Variants in TBCK observed in about 807,000 individuals in gnomAD.
TBCK encodes the protein TBC1 domain containing kinase.
TBCK carries 99 observed loss-of-function variants against 113.4 expected under a neutral mutation model. The observed-to-expected ratio is 0.87, with a 90% CI of 0.74 to 1.03. The LOEUF (loss-of-function observed/expected upper bound fraction) is 1.03. TBCK is among the 50% of genes least tolerant of loss of function. The pLI, the probability that TBCK is intolerant of heterozygous loss-of-function variation, is 0.00. For synonymous variants in TBCK, 369 were observed against 370.8 expected (o/e 1.00, Z 0.05); for missense variants, 1,045 against 1,061.3 (o/e 0.98, Z 0.21).
chr4:106,279,750 A>C (rs559121141), intron 3 of TBCK, among the ~76,000 whole-genome samples: 33 of 152,288 alleles, frequency 2.2e-4, no homozygotes, highest in African/African-American at 7.9e-4. Context: ...ATGTGGTTGC[A>C]AATGACAGGC....
chr4:106,192,293 T>C (rs1004646603), intron 22 of TBCK, among the ~76,000 whole-genome samples: 4 of 152,112 alleles, frequency 2.6e-5, no homozygotes, highest in Non-Finnish European at 4.4e-5. Context: ...ATTCCTAATA[T>C]ATATATTTTT....
At chr4:106,166,708 C>T (rs953494759) in intron 23 of TBCK, among the ~76,000 whole-genome samples, 1 of 151,504 alleles carries the variant, frequency 6.6e-6, no homozygotes, top group African/African-American at 2.4e-5. Context: ...TCAAATATAG[C>T]CAGTATGTCT....
At chr4:106,113,660 T>C (rs1159932456) in intron 24 of TBCK, among the ~76,000 whole-genome samples, 1 of 151,900 alleles carries the variant, frequency 6.6e-6, no homozygotes, top group Non-Finnish European at 1.5e-5. Flanking sequence ...CCCCAGAAAA[T>C]GTGGCTTCCT....
At chr4:106,165,566 T>C (rs766484516) in intron 23 of TBCK, among the ~76,000 whole-genome samples, 4 of 151,676 alleles carry the variant, frequency 2.6e-5, no homozygotes, top group Non-Finnish European at 4.4e-5. Flanking sequence ...ATCATGTCCT[T>C]TGTACAGATT....
At chr4:106,291,717 C>T (rs756081319) in intron 3 of TBCK, among the ~76,000 whole-genome samples, 7 of 152,204 alleles carry the variant, frequency 4.6e-5, no homozygotes, top group African/African-American at 7.2e-5. Context: ...CCTTTACTAT[C>T]GGTGAAGATT....
chr4:106,093,295 A>T (rs910520030), intron 25 of TBCK, among the ~76,000 whole-genome samples: 1 of 152,208 alleles, frequency 6.6e-6, no homozygotes, highest in Non-Finnish European at 1.5e-5. Context: ...TCACTAGGTC[A>T]GGAGATTGAG....
rs112659456 is a variant in TBCK, at chr4:106,131,568, G to A, written c.2236-15190C>T. ...GCGGAGGTTGCAGCGAGCCAAGATC[G>A]CATCACTGCACTCCAGCCTGGGCAA... On this transcript the variant is annotated intron_variant, in intron 23 of 25. Coordinates refer to ENST00000394708, the MANE Select transcript of TBCK (RefSeq NM_001163435.3). Among the ~76,000 whole-genome samples the A allele has an allele frequency of 7.2e-5, 11 of 152,228 alleles. 1 individual carries two copies. The highest frequency in any genetic ancestry group is 1.4e-4 in the African/African-American group (6 of 41,548).
chr4:106,271,415 T>C (rs1398867284), intron 3 of TBCK, among the ~76,000 whole-genome samples: 2 of 152,162 alleles, frequency 1.3e-5, no homozygotes, highest in Non-Finnish European at 2.9e-5. Context: ...AATCACTTAT[T>C]TCAACCAGAA....
intron 23 of TBCK, among the ~76,000 whole-genome samples, chr4:106,154,027 A>ATCTT (rs1748837104): frequency 6.6e-6 from 1 of 152,014 alleles, no homozygotes; most frequent in South Asian, 2.1e-4. Context: ...ACCATTCTAT[A>ATCTT]TCTTTTCATT....
chr4:106,222,293 T>C (rs1757791347), intron 19 of TBCK, among the ~76,000 whole-genome samples: 1 of 152,114 alleles, frequency 6.6e-6, no homozygotes, highest in Non-Finnish European at 1.5e-5. Context: ...AAATTTTTGT[T>C]TCTCTCCTTT....
intron 22 of TBCK, among the ~76,000 whole-genome samples, chr4:106,171,873 T>C (rs1751070302): frequency 6.6e-6 from 1 of 152,090 alleles, no homozygotes; most frequent in Non-Finnish European, 1.5e-5. Context: ...TTCTGTCTCC[T>C]AGGCTGGAGT....
At chr4:106,055,435 A>T (rs111809540) in intron 25 of TBCK, among the ~76,000 whole-genome samples, 1 of 151,660 alleles carries the variant, frequency 6.6e-6, no homozygotes, top group African/African-American at 2.4e-5. Flanking sequence ...TTTTTAAATT[A>T]TAAGTTTTAA....
chr4:106,050,766 C>T (rs574508692), intron 25 of TBCK, among the ~76,000 whole-genome samples: 3 of 152,158 alleles, frequency 2.0e-5, no homozygotes, highest in East Asian at 1.9e-4. Flanking sequence ...CAACATCCCA[C>T]GTGAGGGGGC....
intron 3 of TBCK, among the ~76,000 whole-genome samples, chr4:106,274,460 C>T (rs1763806052): frequency 1.3e-5 from 2 of 152,192 alleles, no homozygotes; most frequent in Admixed American, 1.3e-4. Context: ...AATAAACAAA[C>T]TATGGTAAAG....
At chr4:106,307,039 C>T (rs920095898) in intron 2 of TBCK, among the ~76,000 whole-genome samples, 1 of 152,160 alleles carries the variant, frequency 6.6e-6, no homozygotes, top group South Asian at 2.1e-4. Context: ...CACGAAGCCT[C>T]CTGACAACAT....
intron 19 of TBCK, chr4:106,213,918 C>T (rs1430573259): frequency 1.3e-5 from 2 of 152,838 alleles, no homozygotes; most frequent in Non-Finnish European, 2.9e-5. Context: ...GGGGGCAGGG[C>T]ACAGACAAAC....
At chr4:106,305,331 G>C (rs1767402524) in intron 2 of TBCK, among the ~76,000 whole-genome samples, 1 of 151,794 alleles carries the variant, frequency 6.6e-6, no homozygotes, top group Non-Finnish European at 1.5e-5. Flanking sequence ...TTGTTTCCTA[G>C]AAATATGTCA....
chr4:106,300,649 G>A (rs1026863045), intron 2 of TBCK, among the ~76,000 whole-genome samples: 1 of 152,192 alleles, frequency 6.6e-6, no homozygotes, highest in Non-Finnish European at 1.5e-5. Flanking sequence ...AGTCAGCTTA[G>A]CTAGAATATA....
chr4:106,141,114 ATGTAAG>A (rs1028730172), intron 23 of TBCK, among the ~76,000 whole-genome samples: 2 of 140,864 alleles, frequency 1.4e-5, no homozygotes, highest in Non-Finnish European at 3.2e-5. Flanking sequence ...CTGCCATTTA[ATGTAAG>A]TGTAAGATAA....
Sources: gnomAD v4.1 joint callset for allele counts (sites outside exome capture counted in the v4.1 genomes callset) on GRCh38, gnomAD v4.1.1 for gene constraint, MANE v1.5 for transcripts, NCBI Gene and HGNC (gene_info 2026-07-23, HGNC 2026-07-21) for gene names.